The following SKOR2 variants were observed in gnomAD, a reference collection of about 807,000 sequenced individuals.
SKOR2 encodes SKI family transcriptional corepressor 2.
In SKOR2, 47 loss-of-function variants were observed where a neutral mutation model predicts 69.1. That is an observed-to-expected ratio of 0.68 (90% CI 0.54 to 0.87). The LOEUF (loss-of-function observed/expected upper bound fraction) is 0.87, where lower values mean the gene tolerates loss of function less well. Among genes scored for constraint, SKOR2 ranks in the 40% least tolerant of loss-of-function variants. The probability of loss-of-function intolerance (pLI) is 0.00; values close to 1 mark genes in which losing one functional copy is unlikely to be tolerated. For synonymous variants in SKOR2, 717 were observed against 672.6 expected (o/e 1.07, Z -1.02); for missense variants, 1,404 against 1,472.2 (o/e 0.95, Z 0.76).
At chr18:47,227,644 T>A (rs551941203) in intron 6 of SKOR2, among the ~76,000 whole-genome samples, 2 of 152,284 alleles carry the variant, frequency 1.3e-5, no homozygotes, top group South Asian at 4.1e-4. Flanking sequence ...AGCCAAAAAT[T>A]TGGACCCAAG....
Position 47,248,516 on chromosome 18 carries a change from T to G in SKOR2, c.668A>C (p.Glu223Ala). ...LKLTDKSPQD[E>A]LVFAWEDVKA... ...GACGTCCTCCCAGGCGAAGACCAGCTCGTCCTGGGGACTCTTGTCGGTGAG... is the reference window on the plus strand; with the variant it reads ...GACGTCCTCCCAGGCGAAGACCAGCGCGTCCTGGGGACTCTTGTCGGTGAG... Residue 223 changes from glutamate (E) to alanine (A), a missense_variant, in exon 2 of 9, where the codon GAG becomes GCG. Transcript: ENST00000425639. This position sits in a 1 kb window ranked among gnomAD's most constrained non-coding sequence, Gnocchi z 6.4. 2 of 1,537,060 alleles carry G rather than the reference T, an allele frequency of 1.3e-6. No individual in the cohort carries two copies. The highest frequency in any genetic ancestry group is 1.7e-6 in the Non-Finnish European group (2 of 1,146,844).
chr18:47,247,087 C>T lies in SKOR2; in HGVS notation c.2097G>A (p.Pro699=). ...CCAGAGGGGGCGGCGGGGGCGGCGG[C>T]GGCGGCGGCGGCGGGGCCGGGTGGT... The part of the protein sequence containing the change: ...ERHHPAPPPP[P]PPPPPPPLAQ... The change falls in exon 2 of 9, where the codon CCG becomes CCA. Residue 699 remains proline, a synonymous_variant. Coordinates refer to ENST00000425639, the MANE Select transcript of SKOR2 (RefSeq NM_001278063.4). The surrounding 1 kb of genome is among the most constrained non-coding windows in gnomAD (Gnocchi z 6.6). The T allele has an allele frequency of 1.0e-6, 1 of 965,924 alleles. No homozygotes were observed. Among genetic ancestry groups the T allele is most frequent in the Non-Finnish European group, 1.3e-6 (1 of 754,234 alleles). The allele number at this position is 965,924 out of a possible 1,614,324, so 59.8% of individuals were successfully genotyped here.
chr18:47,222,240 T>G (rs1039220208), intron 6 of SKOR2, among the ~76,000 whole-genome samples: 2 of 151,034 alleles, frequency 1.3e-5, no homozygotes, highest in Non-Finnish European at 2.9e-5. Flanking sequence ...GAGAATCACC[T>G]GGGAAGTCGA....
At chr18:47,240,755 A>T (rs1326326382) in intron 4 of SKOR2, among the ~76,000 whole-genome samples, 1 of 152,202 alleles carries the variant, frequency 6.6e-6, no homozygotes, top group Non-Finnish European at 1.5e-5. Context: ...TGAATTTTTT[A>T]AAGGGATCAA....
intron 6 of SKOR2, among the ~76,000 whole-genome samples, chr18:47,225,832 C>A (rs1037506528): frequency 6.6e-6 from 1 of 151,874 alleles, no homozygotes; most frequent in Non-Finnish European, 1.5e-5. Flanking sequence ...TGGAGCTGAG[C>A]CGGGGGAGAA....
chr18:47,245,194 G>A (rs1022462306), intron 3 of SKOR2, among the ~76,000 whole-genome samples: 2 of 152,104 alleles, frequency 1.3e-5, no homozygotes, highest in Non-Finnish European at 2.9e-5. Context: ...AAGAATTTTA[G>A]CATATATTTA....
At chr18:47,213,446 T>C (rs903986453) in intron 7 of SKOR2, among the ~76,000 whole-genome samples, 18 of 149,306 alleles carry the variant, frequency 1.2e-4, no homozygotes, top group African/African-American at 4.2e-4. Context: ...CAGTATACTG[T>C]ATGTTTTCCT....
intron 7 of SKOR2, among the ~76,000 whole-genome samples, chr18:47,213,416 T>C (rs1207978603): frequency 6.8e-6 from 1 of 148,104 alleles, no homozygotes; most frequent in Non-Finnish European, 1.5e-5. Flanking sequence ...ATTATATATA[T>C]ATAATATTTC....
In SKOR2 at chr18:47,216,219, C is replaced by T. The variant is rs749032037; in HGVS notation, c.2985+3724G>A. ...AAACATTTACATTTTTATAAACATG[C>T]TAAATTAAAAAACTTTTGTATTGGT... is the stretch of plus-strand genomic sequence containing the variant. On this transcript the variant is annotated intron_variant, in intron 7 of 8. Coordinates refer to ENST00000425639, the MANE Select transcript of SKOR2 (RefSeq NM_001278063.4). Among the ~76,000 whole-genome samples the T allele has an allele frequency of 4.9e-4, 75 of 152,050 alleles. 2 individuals carry two copies. Among genetic ancestry groups the T allele is most frequent in the Non-Finnish European group, 1.6e-4 (11 of 68,020 alleles).
chr18:47,219,832 T>C, intron 7 of SKOR2, 111 bp downstream of exon 7: 1 of 894,702 alleles, frequency 1.1e-6, no homozygotes, highest in Non-Finnish European at 1.7e-6. Context: ...AGCTGAGAGG[T>C]AAGTGGACCA....
chr18:47,218,896 A>T (rs2064152435), intron 7 of SKOR2, among the ~76,000 whole-genome samples: 1 of 152,258 alleles, frequency 6.6e-6, no homozygotes, highest in Non-Finnish European at 1.5e-5. Context: ...TTCAGAACTG[A>T]GAGTTGTTAA....
intron 4 of SKOR2, among the ~76,000 whole-genome samples, chr18:47,239,255 G>A (rs2064238305): frequency 6.6e-6 from 1 of 151,954 alleles, no homozygotes; most frequent in Admixed American, 6.6e-5. Context: ...CTATCAGTGG[G>A]ATATAGACTT....
At chr18:47,219,823 G>T in intron 7 of SKOR2, 120 bp downstream of exon 7, 1 of 806,762 alleles carries the variant, frequency 1.2e-6, no homozygotes, top group Non-Finnish European at 2.0e-6. Context: ...ATCTAAGCCA[G>T]CTGAGAGGTA....
intron 4 of SKOR2, among the ~76,000 whole-genome samples, chr18:47,242,600 A>T (rs1398281330): frequency 6.6e-6 from 1 of 152,146 alleles, no homozygotes; most frequent in Non-Finnish European, 1.5e-5. Flanking sequence ...GCATATTTAC[A>T]AAAATTTTTA....
At chr18:47,249,487 A>G (rs1260900578) in intron 1 of SKOR2, among the ~76,000 whole-genome samples, 1 of 152,248 alleles carries the variant, frequency 6.6e-6, no homozygotes, top group African/African-American at 2.4e-5. Context: ...AAAAGCAGTG[A>G]ATTCCTAAGA....
chr18:47,210,859 A>T (rs2684840), intron 8 of SKOR2, among the ~76,000 whole-genome samples: 1 of 151,722 alleles, frequency 6.6e-6, no homozygotes, highest in Admixed American at 6.6e-5. Context: ...TAGATCCAAA[A>T]TCAGGGCCCC....
At chr18:47,208,149 A>C (rs1303940021) in intron 8 of SKOR2, among the ~76,000 whole-genome samples, 2 of 152,224 alleles carry the variant, frequency 1.3e-5, no homozygotes, top group African/African-American at 4.8e-5. Flanking sequence ...GAGAAATGGC[A>C]TCAGATCTGG....
chr18:47,245,362 C>A (rs2064267155), intron 3 of SKOR2, 136 bp downstream of exon 3: 1 of 809,896 alleles, frequency 1.2e-6, no homozygotes, highest in Non-Finnish European at 1.8e-6. Context: ...AAAACAAAAC[C>A]AAAAAAGAGC....
chr18:47,212,908 G>A (rs1160187454), intron 7 of SKOR2, among the ~76,000 whole-genome samples: 1 of 152,146 alleles, frequency 6.6e-6, no homozygotes, highest in Non-Finnish European at 1.5e-5. Flanking sequence ...AGGCGGCAGT[G>A]AGCCATGATT....
Sources: gnomAD v4.1 joint callset for allele counts (sites outside exome capture counted in the v4.1 genomes callset) on GRCh38, gnomAD v4.1.1 for gene constraint, Gnocchi (gnomAD v3.1) non-coding constraint, MANE v1.5 for transcripts, NCBI Gene and HGNC (gene_info 2026-07-23, HGNC 2026-07-21) for gene names.